FXR2: variants seen among roughly 807,000 people sequenced by gnomAD.
FXR2 encodes FMR1 autosomal homolog 2, also known as RNA-binding protein FXR2.
Under a neutral mutation model 87.3 loss-of-function variants are expected in FXR2, and 9 were observed. The observed-to-expected ratio is 0.10, with a 90% CI of 0.06 to 0.18. The LOEUF is 0.18. Among genes scored for constraint, FXR2 ranks in the 10% least tolerant of loss-of-function variants. FXR2 has a pLI of 1.00. For missense variants in FXR2, 661 were observed against 893.6 expected, an observed-to-expected ratio of 0.74 and a Z score of 3.32; for synonymous variants, 331 against 328.3, an observed-to-expected ratio of 1.01 and a Z score of -0.09.
At chr17:7,603,976 A>G (rs1597877541) in intron 4 of FXR2, 33 bp downstream of exon 4, 1 of 1,604,530 alleles carries the variant, frequency 6.2e-7, no homozygotes. Flanking sequence ...TATTTGTTTC[A>G]GTAGTTCTCC....
At position 7,605,741 on chromosome 17, in the gene FXR2, A is replaced by G; in HGVS notation, c.135-3T>C. ...GAATTTGTCTCTCACTCTGCCAGCT[A>G]TAATAGAAACAATAATATGAAAAAG... On this transcript the variant is annotated splice_polypyrimidine_tract_variant and splice_region_variant and intron_variant, in intron 2 of 16. Transcript: ENST00000250113. 2.7e-6 allele frequency: 4 copies of G among 1,508,610 alleles called. No individual in the cohort carries two copies. Among genetic ancestry groups the G allele is most frequent in the South Asian group, 1.2e-5 (1 of 86,888 alleles). 93.5% of individuals were successfully genotyped at this position (1,508,610 alleles called of 1,614,324 possible). A position where few individuals can be genotyped will look rare whatever the true frequency, so the allele number is the denominator to read the frequency against.
chr17:7,613,695 A>C (rs1350868805), intron 1 of FXR2, among the ~76,000 whole-genome samples: 1 of 152,228 alleles, frequency 6.6e-6, no homozygotes. Flanking sequence ...ACATGCCTCA[A>C]GACGAAGAAA....
At chr17:7,596,036 TCA>T (rs750675830) in intron 7 of FXR2, 42 bp from the exon 8 acceptor site, 1 of 1,506,246 alleles carries the variant, frequency 6.6e-7, no homozygotes, top group South Asian at 1.1e-5. Context: ...TGGTAGAATC[TCA>T]CAGTCCCAGG....
intron 7 of FXR2, among the ~76,000 whole-genome samples, chr17:7,600,382 A>G (rs1267738716): frequency 1.3e-5 from 2 of 151,990 alleles, no homozygotes; most frequent in African/African-American, 2.4e-5. Context: ...TCTTCTTAGT[A>G]AAGATGGGGT....
chr17:7,605,461 G>A lies in FXR2; in HGVS notation c.228+184C>T, dbSNP rs77940276. Among the ~76,000 whole-genome samples the A allele has an allele frequency of 8.8e-3, 1,343 of 152,298 alleles. 17 individuals are homozygous for A. The highest frequency in any genetic ancestry group is 0.03 in the African/African-American group (1,256 of 41,566). On this transcript the variant is annotated intron_variant, in intron 3 of 16. Transcript: ENST00000250113. ...GGAAGGCAAATCGCCTGAAACTGGGGATGTTCCTGAGAGTTTGGCTGATCA... is the reference window on the plus strand; with the variant it reads ...GGAAGGCAAATCGCCTGAAACTGGGAATGTTCCTGAGAGTTTGGCTGATCA...
At chr17:7,601,323 G>A in intron 7 of FXR2, 86 bp downstream of exon 7, 1 of 807,628 alleles carries the variant, frequency 1.2e-6, no homozygotes, top group Non-Finnish European at 2.2e-6. Context: ...TCTTTGTTCT[G>A]TAAACACAAG....
At position 7,593,056 on chromosome 17, in the gene FXR2, C is replaced by A. The variant is rs770909127; in HGVS notation, c.1456G>T (p.Gly486Trp). Residue 486 changes from glycine (G) to tryptophan (W), a missense_variant, in exon 13 of 17, where the codon GGG (glycine) becomes TGG (tryptophan). By Grantham distance (184) the Gly-to-Trp change is radical. Coordinates refer to ENST00000250113, the MANE Select transcript of FXR2 (RefSeq NM_004860.4). This position sits in a 1 kb window ranked among gnomAD's most constrained non-coding sequence, Gnocchi z 6.1. ...RGEESRRRPT[G>W]GRGRGPPPAP... ...GGTGGGGGTCCCCTACCCCGGCCCC[C>A]AGTCGGCCGCCTCCGGCTTTCTTCC... 6.3e-7 allele frequency: 1 copy of A among 1,585,312 alleles called. No homozygotes were observed. Among genetic ancestry groups the A allele is most frequent in the Admixed American group, 1.9e-5 (1 of 52,944 alleles).
intron 1 of FXR2, among the ~76,000 whole-genome samples, chr17:7,612,781 G>A (rs998753547): frequency 6.6e-6 from 1 of 151,988 alleles, no homozygotes; most frequent in Non-Finnish European, 1.5e-5. Flanking sequence ...TGGATCACTA[G>A]GTCAGGAGAT....
chr17:7,605,552 T>C (rs2071796271), intron 3 of FXR2, 93 bp downstream of exon 3: 1 of 693,078 alleles, frequency 1.4e-6, no homozygotes, highest in African/African-American at 1.8e-5. Context: ...GGATATGGCT[T>C]AGTTGGGGAG....
chr17:7,593,364 CCTGCCA>C lies in FXR2; in HGVS notation c.1330+33_1330+38del, dbSNP rs1227437633. Reference sequence around the variant, plus strand: ...CAGACCTCTGCCTCTACCCACAAGCCCTGCCACTCCTTGCCTCCTGTTCCCATAACT... The same window carrying C: ...CAGACCTCTGCCTCTACCCACAAGCCCTCCTTGCCTCCTGTTCCCATAACT... On this transcript the variant is annotated intron_variant, in intron 12 of 16. Transcript: ENST00000250113. The surrounding 1 kb of genome is among the most constrained non-coding windows in gnomAD (Gnocchi z 6.1). 7 of 1,462,714 alleles carry C rather than the reference CCTGCCA, an allele frequency of 4.8e-6. No individual in the cohort carries two copies. The Admixed American group carries it at 1.4e-4, about 29-fold the overall frequency. 90.6% of individuals were successfully genotyped at this position (1,462,714 alleles called of 1,614,324 possible). A position where few individuals can be genotyped will look rare whatever the true frequency, so the allele number is the denominator to read the frequency against.
intron 1 of FXR2, among the ~76,000 whole-genome samples, chr17:7,607,836 C>G (rs577370356): frequency 1.3e-5 from 2 of 152,154 alleles, no homozygotes; most frequent in African/African-American, 4.8e-5. Flanking sequence ...GCTCTTGTTG[C>G]CCACGCTGGA....
intron 6 of FXR2, 92 bp downstream of exon 6, chr17:7,602,817 T>C: frequency 1.4e-6 from 1 of 691,998 alleles, no homozygotes; most frequent in Non-Finnish European, 2.6e-6. Flanking sequence ...TATAAGCACA[T>C]TTAAGCCCTT....
intron 1 of FXR2, chr17:7,614,236 G>A: frequency 2.9e-6 from 2 of 687,302 alleles, no homozygotes; most frequent in South Asian, 1.5e-5. Flanking sequence ...CGGAGATGGG[G>A]GTAGAAGCAG....
At chr17:7,609,974 G>GTATACATATATATATACATGTATATA (rs2071842582) in intron 1 of FXR2, among the ~76,000 whole-genome samples, 1 of 94,730 alleles carries the variant, frequency 1.1e-5, no homozygotes, top group South Asian at 3.3e-4. Context: ...ACATGTATAT[G>GTATACATATATATATACATGTATATA]TATACATATA....
chr17:7,608,429 T>TA (rs1201395730), intron 1 of FXR2, among the ~76,000 whole-genome samples: 1,888 of 146,120 alleles, frequency 0.013, 50 homozygotes, highest in African/African-American at 0.043. Context: ...CCATTGCTAC[T>TA]AAAAAAAAAA....
Position 7,598,169 on chromosome 17 carries a change from G to T in FXR2, c.661-2175C>A, listed in dbSNP as rs116745372. Among the ~76,000 whole-genome samples the T allele has an allele frequency of 4.9e-3, 743 of 152,130 alleles. 6 individuals are homozygous for T. Among genetic ancestry groups the T allele is most frequent in the African/African-American group, 0.017 (714 of 41,484 alleles). On this transcript the variant is annotated intron_variant, in intron 7 of 16. Coordinates refer to ENST00000250113, the MANE Select transcript of FXR2 (RefSeq NM_004860.4). Reference sequence around the variant, plus strand: ...GGAGTTTAAAACAGAAGGCACTTTCGGCCGGGCACAGTGGCTCTCGCCTGT... The same window carrying T: ...GGAGTTTAAAACAGAAGGCACTTTCTGCCGGGCACAGTGGCTCTCGCCTGT...
chr17:7,614,146 T>G, intron 1 of FXR2: 2 of 609,534 alleles, frequency 3.3e-6, no homozygotes, highest in East Asian at 6.9e-5. Context: ...CACAGTCAAT[T>G]AGAAGCTGGG....
Position 7,594,755 on chromosome 17 carries a change from A to C in FXR2, c.834T>G (p.Thr278=). The C allele has an allele frequency of 6.2e-7, 1 of 1,602,910 alleles. No homozygotes were observed. Residue 278 remains threonine, a splice_region_variant and synonymous_variant, in exon 9 of 17, where the codon ACT becomes ACG. Coordinates refer to ENST00000250113, the MANE Select transcript of FXR2 (RefSeq NM_004860.4). This position sits in a 1 kb window ranked among gnomAD's most constrained non-coding sequence, Gnocchi z 5.1. Reference sequence around the variant, plus strand: ...TTCGGGCCTGTCGGCAAGCCTCGGGAGTCTAAAGGAAGAACAGCAGGGAGT... The same window carrying C: ...TTCGGGCCTGTCGGCAAGCCTCGGGCGTCTAAAGGAAGAACAGCAGGGAGT... ...ETCTFRIYGE[T]PEACRQARSY...
chr17:7,604,813 C>T (rs1338156087), intron 3 of FXR2, among the ~76,000 whole-genome samples: 7 of 150,638 alleles, frequency 4.6e-5, no homozygotes, highest in South Asian at 4.2e-4. Context: ...CCTCCACTTC[C>T]TGGGTTCAAG....
Sources: allele counts gnomAD v4.1 joint callset (sites outside exome capture counted in the v4.1 genomes callset), GRCh38; gene constraint gnomAD v4.1.1; non-coding constraint Gnocchi (gnomAD v3.1); transcripts MANE v1.5; gene names NCBI Gene and HGNC (gene_info 2026-07-23, HGNC 2026-07-21).